CSE1L: variants seen among roughly 807,000 people sequenced by gnomAD.
CSE1L encodes chromosome segregation 1 like, also known as exportin-2.
A neutral mutation model predicts 120.4 loss-of-function variants in CSE1L; 24 were observed. The ratio of observed to expected loss-of-function variants is 0.20; its 90% CI spans 0.14 to 0.28. The LOEUF is 0.28. CSE1L is among the 10% of genes least tolerant of loss of function. CSE1L has a pLI of 1.00. For synonymous variants in CSE1L, 402 were observed against 398.3 expected (o/e 1.01, Z -0.11); for missense variants, 830 against 1,145.2 (o/e 0.72, Z 3.97).
intron 24 of CSE1L, chr20:49,095,219 TA>T: frequency 1.7e-6 from 1 of 578,646 alleles, no homozygotes; most frequent in Non-Finnish European, 3.1e-6. Flanking sequence ...AGAAATGTAA[TA>T]AGGCTGTATA....
At chr20:49,064,085 A>G (rs1382875335) in intron 3 of CSE1L, among the ~76,000 whole-genome samples, 1 of 152,176 alleles carries the variant, frequency 6.6e-6, no homozygotes, top group African/African-American at 2.4e-5. Context: ...GAGGATTGCT[A>G]CTGGAATCTA....
At chr20:49,074,370 AT>A (rs2091955305) in intron 10 of CSE1L, among the ~76,000 whole-genome samples, 1 of 151,858 alleles carries the variant, frequency 6.6e-6, no homozygotes, top group Admixed American at 6.6e-5. Flanking sequence ...CATGCCGGCC[AT>A]TTCTGACATT....
At chr20:49,086,255 G>A (rs2092056295) in intron 16 of CSE1L, among the ~76,000 whole-genome samples, 1 of 151,938 alleles carries the variant, frequency 6.6e-6, no homozygotes, top group African/African-American at 2.4e-5. Context: ...TTTCAGTCTG[G>A]ATCAGAAATC....
At chr20:49,071,303 A>T (rs927349412) in intron 8 of CSE1L, among the ~76,000 whole-genome samples, 4 of 152,338 alleles carry the variant, frequency 2.6e-5, no homozygotes, top group Non-Finnish European at 5.9e-5. Flanking sequence ...ATTTCAGTCC[A>T]ATGGGAGGGA....
rs71184254 is a variant in CSE1L, at chr20:49,074,176, AGTGTGTGTGTGTGTGTGTGTGT to A, written c.1067-588_1067-567del. 5.0e-3 allele frequency among the ~76,000 whole-genome samples: 582 copies of A among 115,456 alleles called. 7 individuals are homozygous for A. Among genetic ancestry groups the A allele is most frequent in the African/African-American group, 0.017 (540 of 31,092 alleles). The allele number at this position is 115,456 out of a possible 152,430, so 75.7% of individuals were successfully genotyped here. The stretch of plus-strand genomic sequence containing the variant: ...CAGTGAGACATGATCATACAACTGC[AGTGTGTGTGTGTGTGTGTGTGT>A]GTGTGTGTGTGTGTGTGTGTAGACT... On this transcript the variant is annotated intron_variant, in intron 10 of 24. Coordinates refer to ENST00000262982, the MANE Select transcript of CSE1L (RefSeq NM_001316.4).
At position 49,072,276 on chromosome 20, in the gene CSE1L, T is replaced by G; in HGVS notation, c.769-10T>G. The G allele has an allele frequency of 6.2e-7, 1 of 1,612,596 alleles. No homozygotes were observed. The highest frequency in any genetic ancestry group is 8.5e-7 in the Non-Finnish European group (1 of 1,179,388). On this transcript the variant is annotated splice_polypyrimidine_tract_variant and intron_variant, in intron 8 of 24. Coordinates refer to ENST00000262982, the MANE Select transcript of CSE1L (RefSeq NM_001316.4). ...TTGTATGTTGGAGTTTTTGTTTTCT[T>G]TTATGTGAGGATGAAGAGGAAGCCG...
chr20:49,051,465 C>G (rs2091765765), intron 1 of CSE1L, among the ~76,000 whole-genome samples: 2 of 152,200 alleles, frequency 1.3e-5, no homozygotes. Context: ...ATTGCTTGAA[C>G]CTGGGAGGCG....
At position 49,077,004 on chromosome 20, in the gene CSE1L, C is replaced by T. The variant is rs1363479244; in HGVS notation, c.1360C>T (p.Leu454Phe). The change falls in exon 13 of 25, where the codon CTT (leucine) becomes TTT (phenylalanine). Residue 454 changes from leucine to phenylalanine, a missense_variant. Coordinates refer to ENST00000262982, the MANE Select transcript of CSE1L (RefSeq NM_001316.4). ...GCATGGAATTACACAAGCAAATGAA[C>T]TTGTAAACCTAACTGAGTTCTTTGT... ...QKHGITQANE[L>F]VNLTEFFVNH... 2 of 1,606,222 alleles carry T rather than the reference C, an allele frequency of 1.2e-6. No homozygotes were observed. The highest frequency in any genetic ancestry group is 1.7e-6 in the Non-Finnish European group (2 of 1,177,304).
At chr20:49,083,688 A>C (rs1429503415) in intron 14 of CSE1L, among the ~76,000 whole-genome samples, 2 of 152,202 alleles carry the variant, frequency 1.3e-5, no homozygotes, top group African/African-American at 2.4e-5. Context: ...CAAAAAGGTT[A>C]AATAACTTTT....
chr20:49,077,192 C>G, intron 13 of CSE1L, 128 bp downstream of exon 13: 1 of 546,584 alleles, frequency 1.8e-6, no homozygotes, highest in Middle Eastern at 4.9e-4. Context: ...TGGTGTCTTA[C>G]TCTGTTACCC....
At chr20:49,049,350 A>AT (rs201948707) in intron 1 of CSE1L, among the ~76,000 whole-genome samples, 10 of 151,038 alleles carry the variant, frequency 6.6e-5, no homozygotes, top group African/African-American at 2.0e-4. Context: ...CACTCAACTA[A>AT]TTTTTATTTT....
chr20:49,051,550 A>G (rs2091766443), intron 1 of CSE1L, among the ~76,000 whole-genome samples: 2 of 152,220 alleles, frequency 1.3e-5, no homozygotes, highest in Non-Finnish European at 2.9e-5. Flanking sequence ...GTCTCCAAAA[A>G]AAACAAGAGT....
chr20:49,048,130 C>G (rs6019613), intron 1 of CSE1L, among the ~76,000 whole-genome samples: 1 of 149,318 alleles, frequency 6.7e-6, no homozygotes, highest in South Asian at 2.1e-4. Flanking sequence ...TGGCCTTTCT[C>G]TGTGTGTGTC....
rs773751815 is a variant in CSE1L, at chr20:49,092,100, A to G, written c.2420A>G (p.Gln807Arg). The change falls in exon 22 of 25, where the codon CAA becomes CGA. Residue 807 changes from glutamine to arginine, a missense_variant. Gln to Arg is a conservative substitution (Grantham distance 43). Around this residue, in one of 4 missense-constraint regions of CSE1L, gnomAD observed 112 missense variants for 200.0 expected, o/e 0.56. Transcript: ENST00000262982. The stretch of plus-strand genomic sequence containing the variant: ...ATAAAATATGGGGCACTAGCACTAC[A>G]AGAAATATTTGATGGTATACAACCA... ...YCIKYGALAL[Q>R]EIFDGIQPKM... The G allele has an allele frequency of 6.3e-7, 1 of 1,575,576 alleles. No individual in the cohort carries two copies. Among genetic ancestry groups the G allele is most frequent in the Non-Finnish European group, 8.7e-7 (1 of 1,153,324 alleles).
chr20:49,066,327 T>C (rs1402064118), intron 4 of CSE1L, 34 bp downstream of exon 4: 1 of 1,614,014 alleles, frequency 6.2e-7, no homozygotes, highest in East Asian at 2.2e-5. Flanking sequence ...TGGGCTCCTC[T>C]GTAAAGCTCT....
intron 23 of CSE1L, 130 bp downstream of exon 23, chr20:49,094,416 C>A: frequency 1.1e-6 from 1 of 898,498 alleles, no homozygotes; most frequent in Non-Finnish European, 1.7e-6. Context: ...CAATCAGATC[C>A]AAGACATGAT....
chr20:49,086,187 C>T (rs2092055647), intron 16 of CSE1L, among the ~76,000 whole-genome samples: 1 of 152,070 alleles, frequency 6.6e-6, no homozygotes, highest in South Asian at 2.1e-4. Context: ...ACTGTTGCAT[C>T]CCAAAAGCCT....
chr20:49,092,663 G>A (rs980172007), intron 22 of CSE1L, among the ~76,000 whole-genome samples: 3 of 151,802 alleles, frequency 2.0e-5, no homozygotes, highest in African/African-American at 7.3e-5. Context: ...GGGATGGGGG[G>A]CAGGGGAAGG....
chr20:49,070,246 G>A lies in CSE1L; in HGVS notation c.717G>A (p.Met239Ile), dbSNP rs944282394. 1.4e-6 allele frequency: 2 copies of A among 1,471,908 alleles called. No individual in the cohort carries two copies. Among genetic ancestry groups the A allele is most frequent in the Admixed American group, 1.9e-5 (1 of 52,564 alleles). The allele number at this position is 1,471,908 out of a possible 1,614,324, so 91.2% of individuals were successfully genotyped here. ...EFFEDNMETW[M>I]NNFHTLLTLD... Reference sequence around the variant, plus strand: ...TTGAAGATAATATGGAAACTTGGATGAATAATTTTCATACTCTCTTAACAT... The same window carrying A: ...TTGAAGATAATATGGAAACTTGGATAAATAATTTTCATACTCTCTTAACAT... The change falls in exon 8 of 25, where the codon ATG (methionine) becomes ATA (isoleucine). Residue 239 changes from methionine (M) to isoleucine (I), a missense_variant. Met to Ile is a conservative substitution (Grantham distance 10). This residue lies in a region of CSE1L where 543 missense variants were observed against 640.2 expected (regional missense o/e 0.85). Coordinates refer to ENST00000262982, the MANE Select transcript of CSE1L (RefSeq NM_001316.4).
Sources: allele counts gnomAD v4.1 joint callset (sites outside exome capture counted in the v4.1 genomes callset), GRCh38; gene constraint gnomAD v4.1.1; regional missense constraint gnomAD v4.1.1; transcripts MANE v1.5; gene names NCBI Gene and HGNC (gene_info 2026-07-23, HGNC 2026-07-21).